The following CDYL2 variants were observed in gnomAD, a reference collection of about 807,000 sequenced individuals.
CDYL2 encodes the protein chromodomain Y-like protein 2.
Under a neutral mutation model 49.4 loss-of-function variants are expected in CDYL2, and 23 were observed. The ratio of observed to expected loss-of-function variants is 0.47; its 90% confidence interval spans 0.34 to 0.66. The LOEUF is 0.66. Ranked by LOEUF, CDYL2 falls within the 30% of genes least tolerant of loss-of-function variation. The pLI is 0.01. For missense variants in CDYL2, 678 were observed against 656.4 expected (o/e 1.03, Z -0.36); for synonymous variants, 360 against 268.8 (o/e 1.34, Z -3.32).
At chr16:80,646,744 G>C (rs1200173218) in intron 2 of CDYL2, among the ~76,000 whole-genome samples, 4 of 152,014 alleles carry the variant, frequency 2.6e-5, no homozygotes, top group Non-Finnish European at 5.9e-5. Flanking sequence ...AGCCAAGATT[G>C]CGCCACTGCA....
chr16:80,612,638 C>T lies in CDYL2; in HGVS notation c.1206G>A (p.Leu402=). 3 of 1,608,590 alleles carry T rather than the reference C, an allele frequency of 1.9e-6. No homozygotes were observed. Among genetic ancestry groups the T allele is most frequent in the South Asian group, 1.1e-5 (1 of 90,554 alleles). The change falls in exon 5 of 7, where the codon CTG becomes CTA. Residue 402 remains leucine (L), a synonymous_variant. Transcript: ENST00000570137. The surrounding 1 kb of genome is among the most constrained non-coding windows in gnomAD (Gnocchi z 5.0). ...GCSSYTFPQI[L]GVALANEMLF... ...ACAGGAGGCTTACCAGCGCGACGCC[C>T]AGGATCTGGGGGAAGGTGTAGGAGG...
intron 1 of CDYL2, among the ~76,000 whole-genome samples, chr16:80,690,694 G>A (rs980923268): frequency 6.6e-6 from 1 of 152,048 alleles, no homozygotes; most frequent in African/African-American, 2.4e-5. Context: ...GCAGCTTCAG[G>A]CTCTTCCCCT....
intron 6 of CDYL2, 108 bp from the exon 7 acceptor site, chr16:80,604,654 G>A (rs1019700244): frequency 8.5e-7 from 1 of 1,171,550 alleles, no homozygotes; most frequent in Non-Finnish European, 1.3e-6. Context: ...CACAGCCAGA[G>A]AAGGCTGCCT....
chr16:80,684,219 G>A (rs1469597128), intron 2 of CDYL2, among the ~76,000 whole-genome samples: 1 of 152,218 alleles, frequency 6.6e-6, no homozygotes, highest in Non-Finnish European at 1.5e-5. Flanking sequence ...GAGGACTTGA[G>A]CTGCCCTCAG....
At chr16:80,665,299 G>C (rs4889194) in intron 2 of CDYL2, among the ~76,000 whole-genome samples, 66,923 of 151,690 alleles carry the variant, frequency 0.44, 16,213 homozygotes, top group East Asian at 0.64. Flanking sequence ...CGTTCATGTA[G>C]GGCACTGCCG....
chr16:80,732,422 T>C (rs568840341), intron 1 of CDYL2, among the ~76,000 whole-genome samples: 59 of 152,198 alleles, frequency 3.9e-4, no homozygotes, highest in Middle Eastern at 3.4e-3. Context: ...TTGCCACAGG[T>C]TGCAATACGG....
At chr16:80,712,343 G>C (rs1488080286) in intron 1 of CDYL2, among the ~76,000 whole-genome samples, 2 of 151,742 alleles carry the variant, frequency 1.3e-5, no homozygotes, top group African/African-American at 2.4e-5. Flanking sequence ...AAGACCCCCA[G>C]TGCAAACTAT....
intron 1 of CDYL2, among the ~76,000 whole-genome samples, chr16:80,759,930 T>G (rs1906469358): frequency 6.6e-6 from 1 of 152,168 alleles, no homozygotes; most frequent in Non-Finnish European, 1.5e-5. Flanking sequence ...CTCAGACTAT[T>G]TAGAAATGAC....
intron 1 of CDYL2, among the ~76,000 whole-genome samples, chr16:80,721,123 CAAG>C (rs1295203119): frequency 1.3e-5 from 2 of 152,126 alleles, no homozygotes; most frequent in African/African-American, 2.4e-5. Context: ...TTGACCAAAA[CAAG>C]AAGTACAAAA....
chr16:80,686,932 T>C (rs1469607671), intron 1 of CDYL2, among the ~76,000 whole-genome samples: 2 of 152,266 alleles, frequency 1.3e-5, no homozygotes, highest in African/African-American at 2.4e-5. Context: ...AATTTTTAGA[T>C]ATAATACACA....
intron 4 of CDYL2, among the ~76,000 whole-genome samples, chr16:80,618,851 G>A (rs979391403): frequency 6.6e-6 from 1 of 152,234 alleles, no homozygotes; most frequent in African/African-American, 2.4e-5. Context: ...TGCCTAAGAG[G>A]AGAGCCTGAA....
In CDYL2 at chr16:80,763,869, G is replaced by A. The variant is rs1022071644; in HGVS notation, c.24+40281C>T. Among the ~76,000 whole-genome samples, 2 of 152,130 alleles carry A rather than the reference G, an allele frequency of 1.3e-5. 1 individual carries two copies. Among genetic ancestry groups the A allele is most frequent in the Non-Finnish European group, 2.9e-5 (2 of 68,016 alleles). ...TCTTAGAGAACTTACTTTCTGCTGG[G>A]AGACCATAAGTAAGCTTAAAAAATT... On this transcript the variant is annotated intron_variant, in intron 1 of 6. Transcript: ENST00000570137.
chr16:80,689,373 C>A (rs138342230), intron 1 of CDYL2, among the ~76,000 whole-genome samples: 2 of 152,208 alleles, frequency 1.3e-5, no homozygotes, highest in African/African-American at 4.8e-5. Context: ...GTTCCAGGAA[C>A]TGTGTAAATC....
At chr16:80,658,876 A>G (rs59559356) in intron 2 of CDYL2, among the ~76,000 whole-genome samples, 3,997 of 152,332 alleles carry the variant, frequency 0.026, 147 homozygotes, top group African/African-American at 0.072. Context: ...GTACCTAAAA[A>G]TAGGAAGTGA....
intron 2 of CDYL2, among the ~76,000 whole-genome samples, chr16:80,655,941 T>C (rs898941033): frequency 1.3e-5 from 2 of 152,072 alleles, no homozygotes; most frequent in African/African-American, 2.4e-5. Flanking sequence ...AAACAGAACA[T>C]GTTGGAACTG....
At chr16:80,773,352 G>C (rs1394567736) in intron 1 of CDYL2, among the ~76,000 whole-genome samples, 1 of 152,026 alleles carries the variant, frequency 6.6e-6, no homozygotes. Context: ...GACATTACAA[G>C]GAGAAATAGA....
intron 2 of CDYL2, among the ~76,000 whole-genome samples, chr16:80,663,756 C>G (rs1259093843): frequency 6.6e-6 from 1 of 152,162 alleles, no homozygotes; most frequent in East Asian, 1.9e-4. Flanking sequence ...CCACACCCAG[C>G]TAATTTTTGT....
At chr16:80,737,392 T>G (rs2142547185) in intron 1 of CDYL2, among the ~76,000 whole-genome samples, 1 of 152,288 alleles carries the variant, frequency 6.6e-6, no homozygotes, top group East Asian at 1.9e-4. Context: ...TATCCCTATT[T>G]TGCAGATTCA....
At position 80,634,166 on chromosome 16, in the gene CDYL2, AT is replaced by A. The variant is rs1013723747; in HGVS notation, c.617-931del. On this transcript the variant is annotated intron_variant, in intron 2 of 6. Transcript: ENST00000570137. ...AAGAGGGGGCATCACTATTGATCTT[AT>A]AAATCATGCTACTATAAAGACATAT... is the stretch of plus-strand genomic sequence containing the variant. Among the ~76,000 whole-genome samples the A allele has an allele frequency of 4.6e-5, 7 of 152,006 alleles. 1 individual carries two copies. The highest frequency in any genetic ancestry group is 6.5e-5 in the Admixed American group (1 of 15,296).
Sources: allele counts gnomAD v4.1 joint callset (sites outside exome capture counted in the v4.1 genomes callset), GRCh38; gene constraint gnomAD v4.1.1; non-coding constraint Gnocchi (gnomAD v3.1); transcripts MANE v1.5; gene names NCBI Gene and HGNC (gene_info 2026-07-23, HGNC 2026-07-21).